Variants in PTPRU observed in about 807,000 individuals in gnomAD.
PTPRU encodes protein tyrosine phosphatase receptor type U, also known as receptor-type tyrosine-protein phosphatase U.
PTPRU carries 69 observed loss-of-function variants against 166.3 expected under a neutral mutation model. The observed-to-expected ratio is 0.41, with a 90% confidence interval of 0.34 to 0.51. PTPRU has a LOEUF of 0.51. PTPRU is among the 20% of genes least tolerant of loss of function. PTPRU has a pLI of 0.09. For synonymous variants in PTPRU, 793 were observed against 814.0 expected, an observed-to-expected ratio of 0.97 and a Z score of 0.44; for missense variants, 1,657 against 2,013.7, an observed-to-expected ratio of 0.82 and a Z score of 3.39.
chr1:29,272,125 T>C (rs1685582269), intron 7 of PTPRU, among the ~76,000 whole-genome samples: 2 of 152,184 alleles, frequency 1.3e-5, no homozygotes. Flanking sequence ...ACCCCAGATC[T>C]GCCTCCTCTG....
In PTPRU at chr1:29,258,460, C is replaced by T. The variant is rs138781966; in HGVS notation, c.206-45C>T. On this transcript the variant is annotated intron_variant, in intron 2 of 29. Transcript: ENST00000373779. ...TCCCCTTGCCCTGGCCCTGTCCCTC[C>T]CCTGAGGTCTCCTCATCTCCTGCCT... 788 of 1,588,334 alleles carry T rather than the reference C, an allele frequency of 5.0e-4. 3 individuals are homozygous for T. The African/African-American group carries it at 7.9e-3, about 16-fold the overall frequency.
At chr1:29,272,421 T>C (rs939227365) in intron 7 of PTPRU, among the ~76,000 whole-genome samples, 2 of 152,156 alleles carry the variant, frequency 1.3e-5, no homozygotes, top group Admixed American at 6.5e-5. Flanking sequence ...ACTGGAGACA[T>C]GCTGCTTGCC....
chr1:29,305,682 C>T, intron 18 of PTPRU: 1 of 670,360 alleles, frequency 1.5e-6, no homozygotes, highest in Non-Finnish European at 2.8e-6. Flanking sequence ...AGGGAAGAGG[C>T]AGACAGCTAG....
chr1:29,261,018 T>G (rs1685040988), intron 7 of PTPRU, 115 bp downstream of exon 7: 4 of 1,197,422 alleles, frequency 3.3e-6, no homozygotes, highest in Non-Finnish European at 3.3e-6. Context: ...CATTGTGATT[T>G]TTCCTCAACC....
intron 7 of PTPRU, among the ~76,000 whole-genome samples, chr1:29,261,496 A>G (rs1172969025): frequency 2.0e-5 from 3 of 152,086 alleles, no homozygotes; most frequent in Non-Finnish European, 2.9e-5. Flanking sequence ...AGAACACAAT[A>G]GGTTTTTCTT....
chr1:29,240,231 G>A (rs978631042), intron 1 of PTPRU, among the ~76,000 whole-genome samples: 3 of 152,056 alleles, frequency 2.0e-5, no homozygotes, highest in Admixed American at 6.6e-5. Context: ...CTAGGAAGTC[G>A]GGGGGTGGGG....
chr1:29,258,827 G>A (rs778353043), intron 3 of PTPRU, 51 bp downstream of exon 3: 1 of 1,525,996 alleles, frequency 6.6e-7, no homozygotes, highest in Non-Finnish European at 8.8e-7. Context: ...TGGGGCAGAT[G>A]GATGTCAAAT....
chr1:29,311,586 T>C lies in PTPRU; in HGVS notation c.2955+33T>C. The stretch of plus-strand genomic sequence containing the variant: ...GGGCTGTGGGGCGAGCTGGGGCGCA[T>C]GGCAGGCCAAGGGGGCAGCAAAGAG... On this transcript the variant is annotated intron_variant, in intron 20 of 29. Transcript: ENST00000373779. This position sits in a 1 kb window ranked among gnomAD's most constrained non-coding sequence, Gnocchi z 4.1. 1 of 1,614,048 alleles carries C rather than the reference T, an allele frequency of 6.2e-7. No individual in the cohort carries two copies. Among genetic ancestry groups the C allele is most frequent in the South Asian group, 1.1e-5 (1 of 91,066 alleles).
In PTPRU at chr1:29,315,355, G is replaced by A; in HGVS notation, c.3228-17G>A. The A allele has an allele frequency of 6.2e-7, 1 of 1,613,888 alleles. No individual in the cohort carries two copies. On this transcript the variant is annotated splice_polypyrimidine_tract_variant and intron_variant, in intron 22 of 29. Transcript: ENST00000373779. The surrounding 1 kb of genome is among the most constrained non-coding windows in gnomAD (Gnocchi z 4.5). ...TCCCCAAAGCTCTGACCTGGTCTGG[G>A]GCTGCTCTCTCTCCAGCGCGGGCAC...
At chr1:29,258,052 C>T (rs1163542865) in intron 2 of PTPRU, among the ~76,000 whole-genome samples, 2 of 152,126 alleles carry the variant, frequency 1.3e-5, no homozygotes, top group Non-Finnish European at 2.9e-5. Context: ...GCAACCTCTG[C>T]CTCCCAGGTT....
chr1:29,282,643 T>G, intron 11 of PTPRU, 33 bp from the exon 12 acceptor site: 1 of 1,591,710 alleles, frequency 6.3e-7, no homozygotes, highest in Non-Finnish European at 8.6e-7. Context: ...TCTGGCCGCC[T>G]GTGATCCCCT....
At chr1:29,264,344 T>C (rs1475255788) in intron 7 of PTPRU, among the ~76,000 whole-genome samples, 1 of 152,206 alleles carries the variant, frequency 6.6e-6, no homozygotes, top group Non-Finnish European at 1.5e-5. Context: ...TTGTTTGTGC[T>C]TTTGATGTCA....
rs372732208 is a variant in PTPRU, at chr1:29,325,732, T to G, written c.*71T>G. ...CACCATCCTGGACTGGCGAGGAAGA[T>G]CAGTGCCTCCTGCTCTGCCCAAACA... On this transcript the variant is annotated 3_prime_UTR_variant, in exon 30 of 30. Coordinates refer to ENST00000373779, the MANE Select transcript of PTPRU (RefSeq NM_133178.4). The G allele has an allele frequency of 2.5e-5, 36 of 1,436,988 alleles. No individual in the cohort carries two copies. The highest frequency in any genetic ancestry group is 3.3e-5 in the Non-Finnish European group (35 of 1,053,058). The allele number at this position is 1,436,988 out of a possible 1,614,324, so 89.0% of individuals were successfully genotyped here.
chr1:29,304,937 C>T, intron 17 of PTPRU, 88 bp downstream of exon 17: 2 of 1,294,206 alleles, frequency 1.5e-6, no homozygotes, highest in East Asian at 2.4e-5. Context: ...CTGGGGCAGC[C>T]TCAGAGATGA....
At chr1:29,283,676 C>T (rs1686207133) in intron 12 of PTPRU, 9 of 511,972 alleles carry the variant, frequency 1.8e-5, no homozygotes, top group Non-Finnish European at 2.8e-5. Flanking sequence ...CCCCGATGCC[C>T]GAGGCCCCGC....
intron 7 of PTPRU, among the ~76,000 whole-genome samples, chr1:29,265,852 G>T (rs960413015): frequency 6.6e-6 from 1 of 151,972 alleles, no homozygotes; most frequent in African/African-American, 2.4e-5. Flanking sequence ...TTTCCTCCCA[G>T]TAGCTTGTCC....
chr1:29,248,525 G>T (rs1348373313), intron 1 of PTPRU, among the ~76,000 whole-genome samples: 2 of 152,126 alleles, frequency 1.3e-5, no homozygotes, highest in African/African-American at 4.8e-5. Context: ...GAAAAGTTTT[G>T]CTTCTCCTGG....
chr1:29,262,155 A>G (rs1434164449), intron 7 of PTPRU, among the ~76,000 whole-genome samples: 3 of 152,342 alleles, frequency 2.0e-5, no homozygotes, highest in East Asian at 1.9e-4. Context: ...GGACTCTTTT[A>G]TAACCACATT....
At position 29,312,625 on chromosome 1, in the gene PTPRU, A is replaced by G. The variant is rs1316316599; in HGVS notation, c.3146A>G (p.His1049Arg). The change falls in exon 22 of 30, where the codon CAT becomes CGT. Residue 1049 changes from histidine to arginine, a missense_variant. Transcript: ENST00000373779. ...TAWPEHGVPYHATGLLAFIRR... is the reference protein window; with the variant it reads ...TAWPEHGVPYRATGLLAFIRR... ...TGGCCAGAGCATGGCGTCCCCTACC[A>G]TGCCACGGGGCTGCTGGCTTTCATC... The G allele has an allele frequency of 6.2e-7, 1 of 1,611,530 alleles. No individual in the cohort carries two copies. The highest frequency in any genetic ancestry group is 8.5e-7 in the Non-Finnish European group (1 of 1,178,212).
Sources: allele counts gnomAD v4.1 joint callset (sites outside exome capture counted in the v4.1 genomes callset), GRCh38; gene constraint gnomAD v4.1.1; non-coding constraint Gnocchi (gnomAD v3.1); transcripts MANE v1.5; gene names NCBI Gene and HGNC (gene_info 2026-07-23, HGNC 2026-07-21).